COX7B2: variants seen among roughly 807,000 people sequenced by gnomAD.
COX7B2 encodes the protein cytochrome c oxidase subunit 7B2, mitochondrial.
For synonymous variants in COX7B2, 37 were observed against 32.1 expected, an observed-to-expected ratio of 1.15 and a Z score of -0.51; for missense variants, 109 against 95.9, an observed-to-expected ratio of 1.14 and a Z score of -0.57.
At chr4:46,779,762 A>T (rs1717343300) in intron 2 of COX7B2, among the ~76,000 whole-genome samples, 1 of 151,908 alleles carries the variant, frequency 6.6e-6, no homozygotes, top group East Asian at 1.9e-4. Flanking sequence ...CAAATAAAAA[A>T]ATTAAAAAAA....
chr4:46,754,048 C>A (rs369286507), intron 2 of COX7B2, among the ~76,000 whole-genome samples: 7 of 151,980 alleles, frequency 4.6e-5, no homozygotes, highest in African/African-American at 1.2e-4. Flanking sequence ...GCAATCATTA[C>A]AAAGTCAGGA....
intron 2 of COX7B2, among the ~76,000 whole-genome samples, chr4:46,822,330 G>A (rs891116270): frequency 1.3e-5 from 2 of 151,918 alleles, no homozygotes; most frequent in Non-Finnish European, 2.9e-5. Flanking sequence ...AGAGATTATA[G>A]CCGTAAGACT....
chr4:46,789,897 A>T (rs186400452), intron 2 of COX7B2, among the ~76,000 whole-genome samples: 1 of 152,110 alleles, frequency 6.6e-6, no homozygotes, highest in Non-Finnish European at 1.5e-5. Flanking sequence ...TGTAGGTGAC[A>T]CTTCTTAGGA....
In COX7B2 at chr4:46,791,100, C is replaced by T. The variant is rs574603182; in HGVS notation, c.-50+53860G>A. ...CTGCAAGCTCCGCCTCTGGGGTTCACGCATTCTGGTGCCTCAGCCTCCTGA... is the reference window on the plus strand; with the variant it reads ...CTGCAAGCTCCGCCTCTGGGGTTCATGCATTCTGGTGCCTCAGCCTCCTGA... On this transcript the variant is annotated intron_variant, in intron 2 of 2. Transcript: ENST00000355591. 5.3e-5 allele frequency among the ~76,000 whole-genome samples: 8 copies of T among 152,122 alleles called. No homozygotes were observed. The South Asian group carries it at 6.2e-4, about 12-fold the overall frequency.
chr4:46,833,986 G>A (rs145551528), intron 2 of COX7B2, among the ~76,000 whole-genome samples: 61 of 152,270 alleles, frequency 4.0e-4, no homozygotes, highest in African/African-American at 1.4e-3. Flanking sequence ...GTCACAGAGA[G>A]TGTAAAGAAG....
chr4:46,794,445 C>T (rs114574090), intron 2 of COX7B2, among the ~76,000 whole-genome samples: 2,363 of 152,138 alleles, frequency 0.016, 25 homozygotes, highest in Non-Finnish European at 0.026. Context: ...CTTAGGAAGA[C>T]GGAACTGTTA....
At chr4:46,871,317 C>T (rs2109824301) in intron 1 of COX7B2, among the ~76,000 whole-genome samples, 1 of 152,290 alleles carries the variant, frequency 6.6e-6, no homozygotes, top group East Asian at 1.9e-4. Context: ...GCACCCCTTT[C>T]TTACACCATA....
intron 2 of COX7B2, among the ~76,000 whole-genome samples, chr4:46,833,598 C>G (rs1715313007): frequency 6.6e-6 from 1 of 152,008 alleles, no homozygotes; most frequent in African/African-American, 2.4e-5. Flanking sequence ...TTTAAGAGAG[C>G]AGAGGCAATA....
intron 2 of COX7B2, among the ~76,000 whole-genome samples, chr4:46,836,423 A>ACC (rs1715519920): frequency 1.3e-5 from 2 of 152,034 alleles, no homozygotes; most frequent in Non-Finnish European, 2.9e-5. Flanking sequence ...CTAGACCTAG[A>ACC]AAGAGTTAGG....
At chr4:46,895,241 C>A (rs1245694267) in intron 1 of COX7B2, among the ~76,000 whole-genome samples, 1 of 152,036 alleles carries the variant, frequency 6.6e-6, no homozygotes, top group African/African-American at 2.4e-5. Flanking sequence ...CTAACCTGAA[C>A]GCCCATCAAT....
At chr4:46,893,067 T>A (rs1719535605) in intron 1 of COX7B2, among the ~76,000 whole-genome samples, 2 of 152,170 alleles carry the variant, frequency 1.3e-5, no homozygotes, top group Admixed American at 1.3e-4. Context: ...TAAACCTCTT[T>A]CCTTTATAAA....
intron 1 of COX7B2, among the ~76,000 whole-genome samples, chr4:46,857,779 CA>C: frequency 6.6e-6 from 1 of 152,152 alleles, no homozygotes; most frequent in Admixed American, 6.6e-5. Flanking sequence ...ACTAAAGTTT[CA>C]GTGAACCAGT....
At chr4:46,782,286 T>C (rs1302002135) in intron 2 of COX7B2, among the ~76,000 whole-genome samples, 2 of 151,858 alleles carry the variant, frequency 1.3e-5, no homozygotes, top group African/African-American at 2.4e-5. Flanking sequence ...AGCCAGAGGA[T>C]TGTAAATGCT....
At chr4:46,827,281 G>A (rs1714761953) in intron 2 of COX7B2, among the ~76,000 whole-genome samples, 1 of 151,872 alleles carries the variant, frequency 6.6e-6, no homozygotes, top group African/African-American at 2.4e-5. Context: ...ACTCCAAATA[G>A]GATAAATACA....
At chr4:46,762,916 T>C (rs1716274255) in intron 2 of COX7B2, among the ~76,000 whole-genome samples, 1 of 141,498 alleles carries the variant, frequency 7.1e-6, no homozygotes, top group Admixed American at 7.4e-5. Context: ...TTATTTGTGA[T>C]AGTCTATACC....
intron 2 of COX7B2, among the ~76,000 whole-genome samples, chr4:46,805,251 A>T (rs1477771722): frequency 1.3e-5 from 2 of 152,258 alleles, no homozygotes; most frequent in African/African-American, 4.8e-5. Context: ...GTGCAGCTGC[A>T]GGCTGAAGGA....
At chr4:46,747,728 C>G (rs762515254) in intron 2 of COX7B2, among the ~76,000 whole-genome samples, 1 of 152,176 alleles carries the variant, frequency 6.6e-6, no homozygotes, top group Non-Finnish European at 1.5e-5. Flanking sequence ...CCTTTAATGT[C>G]AAATTCCTAA....
intron 1 of COX7B2, among the ~76,000 whole-genome samples, chr4:46,894,180 A>C (rs1205729907): frequency 6.6e-6 from 1 of 152,180 alleles, no homozygotes; most frequent in Non-Finnish European, 1.5e-5. Context: ...ATTTATATGG[A>C]ACCAAAAGAC....
chr4:46,847,169 T>C (rs1328982040), intron 1 of COX7B2, among the ~76,000 whole-genome samples: 1 of 147,158 alleles, frequency 6.8e-6, no homozygotes, highest in Non-Finnish European at 1.5e-5. Flanking sequence ...TATCCTCACC[T>C]TCTCGTGTTC....
Sources: allele counts gnomAD v4.1 joint callset (sites outside exome capture counted in the v4.1 genomes callset), GRCh38; gene constraint gnomAD v4.1.1; transcripts MANE v1.5; gene names NCBI Gene and HGNC (gene_info 2026-07-23, HGNC 2026-07-21).